The following RUFY3 variants were observed in gnomAD, a reference collection of about 807,000 sequenced individuals.
RUFY3 encodes the protein protein RUFY3.
Under a neutral mutation model 84.0 loss-of-function variants are expected in RUFY3, and 34 were observed. That is an observed-to-expected ratio of 0.40 (90% confidence interval 0.31 to 0.54). The LOEUF (loss-of-function observed/expected upper bound fraction) is 0.54, where lower values mean the gene tolerates loss of function less well. Ranked by LOEUF, RUFY3 falls within the 20% of genes least tolerant of loss-of-function variation. RUFY3 has a pLI of 0.39. For missense variants in RUFY3, 507 were observed against 736.8 expected (o/e 0.69, Z 3.61); for synonymous variants, 242 against 252.9 (o/e 0.96, Z 0.41).
chr4:70,705,218 C>T (rs998281776), exon 1 of RUFY3: 1 of 1,461,666 alleles, frequency 6.8e-7, no homozygotes, highest in East Asian at 3.0e-5. Context: ...CCCCGCCGTC[C>T]CCCGGCTCAC....
At chr4:70,710,644 T>C (rs1243834405) in intron 1 of RUFY3, among the ~76,000 whole-genome samples, 1 of 151,830 alleles carries the variant, frequency 6.6e-6, no homozygotes, top group East Asian at 1.9e-4. Context: ...TACTCCAGCC[T>C]GGGCAACAAG....
chr4:70,791,393 A>G lies in RUFY3; in HGVS notation c.1337+1801A>G, dbSNP rs1730795356. ...TACTACATTTAAGCTCTGATTCTAT[A>G]TAAAATGTCACCAAAAAGTTGACTT... On this transcript the variant is annotated intron_variant, in intron 12 of 17. Transcript: ENST00000381006. The G allele has an allele frequency of 2.7e-6, 4 of 1,500,206 alleles. No individual in the cohort carries two copies. In the South Asian group the frequency reaches 5.6e-5, roughly 21 times the overall value. 92.9% of individuals were successfully genotyped at this position (1,500,206 alleles called of 1,614,324 possible). A position where few individuals can be genotyped will look rare whatever the true frequency, so the allele number is the denominator to read the frequency against.
intron 1 of RUFY3, among the ~76,000 whole-genome samples, chr4:70,743,108 G>C (rs142102040): frequency 6.6e-6 from 1 of 151,844 alleles, no homozygotes; most frequent in African/African-American, 2.4e-5. Context: ...TCACTCCATC[G>C]TCCAGGCTGC....
chr4:70,793,647 T>C, intron 12 of RUFY3, 138 bp from the exon 13 acceptor site: 1 of 1,533,350 alleles, frequency 6.5e-7, no homozygotes, highest in South Asian at 1.2e-5. Flanking sequence ...TCTTCACCTG[T>C]GTCCTGCAAA....
intron 1 of RUFY3, among the ~76,000 whole-genome samples, chr4:70,709,583 A>G (rs1483098125): frequency 2.0e-5 from 3 of 152,066 alleles, no homozygotes; most frequent in East Asian, 1.9e-4. Context: ...AGCAACTACA[A>G]TTTGTAAGGA....
chr4:70,741,563 CT>C lies in RUFY3; in HGVS notation c.178+18816del, dbSNP rs1721322573. The C allele has an allele frequency of 2.1e-6, 3 of 1,412,366 alleles. No individual in the cohort carries two copies. The South Asian group carries it at 4.0e-5, about 19-fold the overall frequency. The allele number at this position is 1,412,366 out of a possible 1,614,324, so 87.5% of individuals were successfully genotyped here. ...TTTGGAAATCTTGTTTTTAATAGCA[CT>C]TTTCTTTCTGGGCTTGCATGACATT... On this transcript the variant is annotated intron_variant, in intron 1 of 17. Transcript: ENST00000381006.
Position 70,793,858 on chromosome 4 carries a change from A to T in RUFY3, c.1411A>T (p.Lys471Ter). The change falls in exon 13 of 18, where the codon AAG becomes TAG. Residue 471 changes from lysine (K) to a stop codon, truncating the protein, a stop_gained. Coordinates refer to ENST00000381006, the MANE Select transcript of RUFY3 (RefSeq NM_001037442.4). LOFTEE classifies it high-confidence loss of function. ...NRLFKQDFGD[K>*]INSLQLEVEE... ...GCTCTTCAAACAGGACTTTGGAGAC[A>T]AGATCAACAGTCTGCAGCTGGAAGT... 1 of 1,614,128 alleles carries T rather than the reference A, an allele frequency of 6.2e-7. No homozygotes were observed. Among genetic ancestry groups the T allele is most frequent in the Non-Finnish European group, 8.5e-7 (1 of 1,180,016 alleles).
intron 6 of RUFY3, among the ~76,000 whole-genome samples, chr4:70,774,564 G>A (rs537880733): frequency 2.1e-4 from 24 of 116,000 alleles, no homozygotes; most frequent in East Asian, 8.6e-4. Context: ...GCAGTGAGCC[G>A]AAATCACACC....
chr4:70,763,104 T>A (rs1178709256), intron 2 of RUFY3, among the ~76,000 whole-genome samples: 5 of 152,212 alleles, frequency 3.3e-5, no homozygotes, highest in African/African-American at 1.2e-4. Context: ...GTAACTGGTC[T>A]TGTTCACCCT....
intron 10 of RUFY3, among the ~76,000 whole-genome samples, chr4:70,787,043 G>A (rs1729930121): frequency 6.6e-6 from 1 of 150,628 alleles, no homozygotes; most frequent in African/African-American, 2.4e-5. Flanking sequence ...GATAGTACAT[G>A]CCTGTATTCC....
chr4:70,779,950 G>T (rs1480819276), intron 8 of RUFY3, among the ~76,000 whole-genome samples: 2 of 152,136 alleles, frequency 1.3e-5, no homozygotes, highest in Non-Finnish European at 2.9e-5. Flanking sequence ...TCAAATTAAA[G>T]CACTAGTCAG....
Position 70,807,242 on chromosome 4 carries a change from A to T in RUFY3, c.*583A>T, listed in dbSNP as rs754600028. ...AAATTCTGCATATATTAAAAACAAT[A>T]TTGTAATATGTTATAATTTCAGGAC... On this transcript the variant is annotated 3_prime_UTR_variant, in exon 18 of 18. Coordinates refer to ENST00000381006, the MANE Select transcript of RUFY3 (RefSeq NM_001037442.4). The T allele has an allele frequency of 6.6e-6, 1 of 152,206 alleles. No individual in the cohort carries two copies. Among genetic ancestry groups the T allele is most frequent in the African/African-American group, 2.4e-5 (1 of 41,450 alleles). 9.4% of individuals were successfully genotyped at this position (152,206 alleles called of 1,614,324 possible).
At chr4:70,758,717 C>A (rs550102522) in intron 1 of RUFY3, among the ~76,000 whole-genome samples, 1 of 151,790 alleles carries the variant, frequency 6.6e-6, no homozygotes, top group Non-Finnish European at 1.5e-5. Flanking sequence ...TCAAAATCCT[C>A]TCTTCTAGCT....
At chr4:70,763,125 C>T (rs1477809280) in intron 2 of RUFY3, among the ~76,000 whole-genome samples, 1 of 152,094 alleles carries the variant, frequency 6.6e-6, no homozygotes, top group Non-Finnish European at 1.5e-5. Flanking sequence ...TGTTTCCTTT[C>T]TTCTTGCCTT....
Position 70,807,916 on chromosome 4 carries a change from A to C in RUFY3, c.*1257A>C, listed in dbSNP as rs1256338140. On this transcript the variant is annotated 3_prime_UTR_variant, in exon 18 of 18. Transcript: ENST00000381006. The stretch of plus-strand genomic sequence containing the variant: ...ATGAGAGCTGATAGATGCTTTCTTG[A>C]AAAGGGCAATACAGTCATCCCTTGG... 6.6e-6 allele frequency among the ~76,000 whole-genome samples: 1 copy of C among 152,116 alleles called. No homozygotes were observed. Among genetic ancestry groups the C allele is most frequent in the African/African-American group, 2.4e-5 (1 of 41,426 alleles).
rs776480887 is a variant in RUFY3 at position 70,788,849 on chromosome 4, A to G, written c.1115A>G (p.Glu372Gly). 7 of 1,614,010 alleles carry G rather than the reference A, an allele frequency of 4.3e-6. No homozygotes were observed. The highest frequency in any genetic ancestry group is 1.3e-5 in the African/African-American group (1 of 74,912). ...GAGATGCAGATCAGCATGAGGCAGG[A>G]GATGGAATTGGCTATGAAGATGCTG... The part of the protein sequence containing the change: ...ELEMQISMRQ[E>G]MELAMKMLEK... Residue 372 changes from glutamate (E) to glycine (G), a missense_variant, in exon 11 of 18, where the codon GAG becomes GGG. Physicochemically the swap from Glu to Gly is moderately conservative, Grantham distance 98. Transcript: ENST00000381006.
At position 70,798,333 on chromosome 4, in the gene RUFY3, C is replaced by T. The variant is rs375404096; in HGVS notation, c.1558-1808C>T. Among the ~76,000 whole-genome samples the T allele has an allele frequency of 2.0e-5, 3 of 152,178 alleles. No individual in the cohort carries two copies. In the East Asian group the frequency reaches 5.8e-4, roughly 29 times the overall value. ...GCAGTGAGCTGTGATCATGCCACTG[C>T]ACTCCAGCCTGGGCAATAGCATGAG... is the stretch of plus-strand genomic sequence containing the variant. On this transcript the variant is annotated intron_variant, in intron 14 of 17. Coordinates refer to ENST00000381006, the MANE Select transcript of RUFY3 (RefSeq NM_001037442.4).
At chr4:70,775,040 T>C (rs1188305627) in intron 6 of RUFY3, 128 bp from the exon 7 acceptor site, 3 of 562,358 alleles carry the variant, frequency 5.3e-6, no homozygotes, top group African/African-American at 3.9e-5. Context: ...AAATCTGTCT[T>C]ATGGTTCAGT....
chr4:70,715,987 A>G (rs75930396), intron 1 of RUFY3, among the ~76,000 whole-genome samples: 15,410 of 151,630 alleles, frequency 0.1, 1,186 homozygotes, highest in East Asian at 0.23. Flanking sequence ...AATGGCATAC[A>G]CCTGTAGTCC....
Sources: allele counts gnomAD v4.1 joint callset (sites outside exome capture counted in the v4.1 genomes callset), GRCh38; gene constraint gnomAD v4.1.1; transcripts MANE v1.5; gene names NCBI Gene and HGNC (gene_info 2026-07-23, HGNC 2026-07-21).